PAK5: variants seen among roughly 807,000 people sequenced by gnomAD.
PAK5 encodes p21 (RAC1) activated kinase 5, also known as serine/threonine-protein kinase PAK 5.
A neutral mutation model predicts 65.9 loss-of-function variants in PAK5; 16 were observed. The observed-to-expected ratio is 0.24, with a 90% CI of 0.16 to 0.37. The LOEUF (loss-of-function observed/expected upper bound fraction) is 0.37. PAK5 is among the 10% of genes least tolerant of loss of function. PAK5 has a pLI of 1.00. For synonymous variants in PAK5, 371 were observed against 354.9 expected, an observed-to-expected ratio of 1.05 and a Z score of -0.51; for missense variants, 785 against 903.9, an observed-to-expected ratio of 0.87 and a Z score of 1.69.
At chr20:9,774,796 A>G (rs1017906544) in intron 1 of PAK5, among the ~76,000 whole-genome samples, 3 of 152,066 alleles carry the variant, frequency 2.0e-5, no homozygotes, top group African/African-American at 7.2e-5. Context: ...TTAAAAAAAA[A>G]AGAAAGAAAA....
chr20:9,542,403 TGA>T (rs2045279456), intron 9 of PAK5, among the ~76,000 whole-genome samples, 181 bp downstream of exon 9: 1 of 152,222 alleles, frequency 6.6e-6, no homozygotes, highest in African/African-American at 2.4e-5. Context: ...TAGGAAAGGC[TGA>T]GTCACTTGCC....
At chr20:9,556,671 T>G (rs184404081) in intron 7 of PAK5, among the ~76,000 whole-genome samples, 6 of 152,358 alleles carry the variant, frequency 3.9e-5, no homozygotes, top group Admixed American at 3.3e-4. Context: ...GGCTGTTATA[T>G]TCCATGCTCT....
chr20:9,832,177 C>T (rs1253548104), intron 1 of PAK5, among the ~76,000 whole-genome samples: 1 of 151,798 alleles, frequency 6.6e-6, no homozygotes, highest in Non-Finnish European at 1.5e-5. Context: ...ACAATTTTAC[C>T]TGCATCTACT....
chr20:9,686,715 T>C (rs1035583753), intron 2 of PAK5, among the ~76,000 whole-genome samples: 7 of 152,196 alleles, frequency 4.6e-5, no homozygotes, highest in Non-Finnish European at 1.0e-4. Context: ...CCTCTGCAGG[T>C]AACCCTTGCA....
intron 3 of PAK5, among the ~76,000 whole-genome samples, chr20:9,630,449 A>G (rs1443058044): frequency 2.0e-5 from 3 of 152,214 alleles, no homozygotes; most frequent in Non-Finnish European, 4.4e-5. Flanking sequence ...AGGCCAAGGA[A>G]CAGGAAGGCT....
intron 1 of PAK5, among the ~76,000 whole-genome samples, chr20:9,715,105 G>T (rs60045914): frequency 1.4e-3 from 210 of 152,012 alleles, no homozygotes; most frequent in African/African-American, 4.7e-3. Context: ...AGAGTGAACA[G>T]GCAACCTACA....
chr20:9,602,332 AAATAAAT>A, intron 3 of PAK5, among the ~76,000 whole-genome samples: 1 of 130,774 alleles, frequency 7.6e-6, no homozygotes. Flanking sequence ...ATAAATAAAT[AAATAAAT>A]AAAATAAACT....
chr20:9,657,791 A>C (rs1264253041), intron 2 of PAK5, among the ~76,000 whole-genome samples: 2 of 152,190 alleles, frequency 1.3e-5, no homozygotes, highest in Non-Finnish European at 2.9e-5. Flanking sequence ...ATTCCAGGCA[A>C]AAGGAACCAA....
intron 1 of PAK5, among the ~76,000 whole-genome samples, chr20:9,803,990 C>T (rs949417452): frequency 6.6e-6 from 1 of 152,182 alleles, no homozygotes; most frequent in African/African-American, 2.4e-5. Flanking sequence ...CCTAGTGATT[C>T]CTCCAGAGGC....
chr20:9,751,213 T>C (rs566540965), intron 1 of PAK5, among the ~76,000 whole-genome samples: 1 of 152,182 alleles, frequency 6.6e-6, no homozygotes, highest in Non-Finnish European at 1.5e-5. Context: ...ATTCAAAATG[T>C]AGTCTTATGA....
intron 1 of PAK5, among the ~76,000 whole-genome samples, chr20:9,731,639 A>G (rs1213352507): frequency 6.6e-6 from 1 of 152,216 alleles, no homozygotes; most frequent in African/African-American, 2.4e-5. Context: ...GTTGATAGAA[A>G]TTATACTAGC....
At chr20:9,556,576 C>T (rs763078541) in intron 7 of PAK5, among the ~76,000 whole-genome samples, 3 of 152,126 alleles carry the variant, frequency 2.0e-5, no homozygotes, top group East Asian at 3.8e-4. Flanking sequence ...CAGGGGGCTC[C>T]GGAGAGCCTA....
chr20:9,765,637 A>T (rs1463711979), intron 1 of PAK5, among the ~76,000 whole-genome samples: 1 of 151,742 alleles, frequency 6.6e-6, no homozygotes, highest in African/African-American at 2.4e-5. Flanking sequence ...CTGCAAATCA[A>T]CCCTCCTCCC....
At chr20:9,595,078 CAT>C (rs889615032) in intron 3 of PAK5, among the ~76,000 whole-genome samples, 8 of 150,216 alleles carry the variant, frequency 5.3e-5, no homozygotes, top group South Asian at 4.2e-4. Context: ...CACACATATA[CAT>C]ATATATATAC....
At chr20:9,697,507 A>G (rs2047884753) in intron 2 of PAK5, among the ~76,000 whole-genome samples, 2 of 152,090 alleles carry the variant, frequency 1.3e-5, no homozygotes, top group South Asian at 4.1e-4. Flanking sequence ...CAACAACTCA[A>G]GGTTGTCTGA....
At chr20:9,552,160 T>C (rs1293320266) in intron 7 of PAK5, among the ~76,000 whole-genome samples, 1 of 152,226 alleles carries the variant, frequency 6.6e-6, no homozygotes, top group Non-Finnish European at 1.5e-5. Flanking sequence ...AAGTTTTGAT[T>C]TGTGGCAATC....
chr20:9,684,572 T>G (rs1327287660), intron 2 of PAK5, among the ~76,000 whole-genome samples: 1 of 152,188 alleles, frequency 6.6e-6, no homozygotes, highest in Non-Finnish European at 1.5e-5. Context: ...ATGATGATCC[T>G]CTTTTCCTTC....
intron 2 of PAK5, among the ~76,000 whole-genome samples, chr20:9,705,390 T>C (rs904538876): frequency 6.6e-6 from 1 of 152,110 alleles, no homozygotes; most frequent in Non-Finnish European, 1.5e-5. Flanking sequence ...ACTCAATTGA[T>C]TGGCAAAAAT....
chr20:9,792,238 G>T (rs1383755879), intron 1 of PAK5, among the ~76,000 whole-genome samples: 1 of 152,122 alleles, frequency 6.6e-6, no homozygotes, highest in East Asian at 1.9e-4. Context: ...AATATTTAAA[G>T]GATCATTCCA....
Sources: allele counts gnomAD v4.1 joint callset (sites outside exome capture counted in the v4.1 genomes callset), GRCh38; gene constraint gnomAD v4.1.1; transcripts MANE v1.5; gene names NCBI Gene and HGNC (gene_info 2026-07-23, HGNC 2026-07-21).